Variants in B3GALT1 observed in about 807,000 individuals in gnomAD.
The protein encoded by B3GALT1 is UDP-Gal:betaGlcNAc beta 1,3-galactosyltransferase, polypeptide 1.
B3GALT1 carries 10 observed loss-of-function variants against 23.2 expected under a neutral mutation model. That is an observed-to-expected ratio of 0.43 (90% confidence interval 0.27 to 0.73). The LOEUF (loss-of-function observed/expected upper bound fraction) is 0.73, where lower values mean the gene tolerates loss of function less well. Among genes scored for constraint, B3GALT1 ranks in the 30% least tolerant of loss-of-function variants. The pLI is 0.21. For missense variants in B3GALT1, 299 were observed against 405.4 expected (o/e 0.74, Z 2.25); for synonymous variants, 156 against 141.5 (o/e 1.10, Z -0.73).
chr2:167,847,346 A>C (rs1559001412), intron 4 of B3GALT1, among the ~76,000 whole-genome samples: 1 of 152,068 alleles, frequency 6.6e-6, no homozygotes, highest in Non-Finnish European at 1.5e-5. Context: ...CCATACAACA[A>C]GTCTCAATAA....
chr2:167,427,364 C>A (rs1196192815), intron 1 of B3GALT1, among the ~76,000 whole-genome samples: 1 of 151,926 alleles, frequency 6.6e-6, no homozygotes, highest in African/African-American at 2.4e-5. Flanking sequence ...TATTTTTGAT[C>A]TTAAAAAGAA....
In B3GALT1 at chr2:167,562,691, C is replaced by T. The variant is rs553907390; in HGVS notation, c.-410+72414C>T. On this transcript the variant is annotated intron_variant, in intron 2 of 4. Coordinates refer to ENST00000392690, the MANE Select transcript of B3GALT1 (RefSeq NM_020981.4). ...TAATTGATCATTCTTGGGTGTTTCT[C>T]GCAGAGGGGGATTTGGCAGGGTCAC... 1.4e-3 allele frequency among the ~76,000 whole-genome samples: 202 copies of T among 146,226 alleles called. 1 individual carries two copies. The highest frequency in any genetic ancestry group is 4.7e-3 in the African/African-American group (184 of 38,986).
intron 1 of B3GALT1, among the ~76,000 whole-genome samples, chr2:167,310,285 G>GTGTT (rs1189400185): frequency 1.3e-5 from 2 of 151,928 alleles, no homozygotes; most frequent in Non-Finnish European, 2.9e-5. Flanking sequence ...TCCCTTGACA[G>GTGTT]TGTTTGTTTA....
At chr2:167,736,573 A>G (rs901654531) in intron 3 of B3GALT1, among the ~76,000 whole-genome samples, 18 of 152,280 alleles carry the variant, frequency 1.2e-4, no homozygotes, top group African/African-American at 4.1e-4. Flanking sequence ...AAATTCAGCT[A>G]GAATAGATTT....
chr2:167,376,994 C>G (rs550302144), intron 1 of B3GALT1, among the ~76,000 whole-genome samples: 5 of 152,172 alleles, frequency 3.3e-5, no homozygotes, highest in Admixed American at 6.6e-5. Context: ...AAACTTTGTT[C>G]TTAACACTGT....
At chr2:167,476,739 G>C (rs920626628) in intron 1 of B3GALT1, among the ~76,000 whole-genome samples, 1 of 151,988 alleles carries the variant, frequency 6.6e-6, no homozygotes, top group East Asian at 1.9e-4. Context: ...TTAAATTTTT[G>C]AGCAAAGTTG....
chr2:167,809,671 G>A (rs1272872096), intron 3 of B3GALT1, among the ~76,000 whole-genome samples: 3 of 152,178 alleles, frequency 2.0e-5, no homozygotes, highest in Admixed American at 6.5e-5. Context: ...GTACCCAGCC[G>A]TATGAGGTGT....
chr2:167,633,861 G>A (rs933591332), intron 2 of B3GALT1, among the ~76,000 whole-genome samples: 18 of 152,108 alleles, frequency 1.2e-4, no homozygotes, highest in African/African-American at 4.3e-4. Flanking sequence ...GACATCTACA[G>A]AACTCTCCAC....
intron 2 of B3GALT1, among the ~76,000 whole-genome samples, chr2:167,530,370 A>T (rs1558894590): frequency 6.6e-6 from 1 of 152,136 alleles, no homozygotes. Flanking sequence ...ATGAAGGCAT[A>T]GGCTTCCTAT....
At chr2:167,411,193 T>C (rs562066430) in intron 1 of B3GALT1, among the ~76,000 whole-genome samples, 4 of 150,828 alleles carry the variant, frequency 2.7e-5, no homozygotes, top group Non-Finnish European at 5.9e-5. Flanking sequence ...AATAGACAAA[T>C]GGGATTACAT....
At chr2:167,742,630 A>G (rs891718166) in intron 3 of B3GALT1, among the ~76,000 whole-genome samples, 2 of 152,156 alleles carry the variant, frequency 1.3e-5, no homozygotes, top group African/African-American at 4.8e-5. Flanking sequence ...CTTCATGCTA[A>G]CCACTTAGGA....
At chr2:167,756,139 A>G (rs190984378) in intron 3 of B3GALT1, among the ~76,000 whole-genome samples, 318 of 152,252 alleles carry the variant, frequency 2.1e-3, no homozygotes, top group African/African-American at 7.3e-3. Flanking sequence ...ACACTTACTT[A>G]AGAATCCTCC....
chr2:167,798,898 C>G (rs1217704186), intron 3 of B3GALT1, among the ~76,000 whole-genome samples: 1 of 152,166 alleles, frequency 6.6e-6, no homozygotes, highest in Non-Finnish European at 1.5e-5. Flanking sequence ...ATATTTCTGA[C>G]TTTTCTAAAA....
intron 2 of B3GALT1, among the ~76,000 whole-genome samples, chr2:167,620,942 C>G (rs1333425636): frequency 6.6e-6 from 1 of 151,874 alleles, no homozygotes; most frequent in Non-Finnish European, 1.5e-5. Context: ...ATCCAGAGAG[C>G]CTCAAAAAGA....
chr2:167,598,113 T>A (rs1027403742), intron 2 of B3GALT1, among the ~76,000 whole-genome samples: 1 of 152,226 alleles, frequency 6.6e-6, no homozygotes, highest in East Asian at 1.9e-4. Flanking sequence ...ACTAAAGAAT[T>A]CTAGCAGATA....
At chr2:167,332,874 C>G (rs151318192) in intron 1 of B3GALT1, among the ~76,000 whole-genome samples, 8 of 152,320 alleles carry the variant, frequency 5.3e-5, no homozygotes, top group African/African-American at 1.9e-4. Context: ...CTTGGACCCA[C>G]GGTTATAAAG....
chr2:167,386,899 C>T (rs1001936928), intron 1 of B3GALT1, among the ~76,000 whole-genome samples: 2 of 152,198 alleles, frequency 1.3e-5, no homozygotes, highest in African/African-American at 4.8e-5. Context: ...AAAGAGAAGA[C>T]TGGATGAAGT....
At chr2:167,818,139 T>C (rs1689034152) in intron 3 of B3GALT1, among the ~76,000 whole-genome samples, 1 of 152,194 alleles carries the variant, frequency 6.6e-6, no homozygotes, top group African/African-American at 2.4e-5. Context: ...TGGACTTTGG[T>C]TTTAGCCTTG....
At chr2:167,790,547 C>G (rs1428679539) in intron 3 of B3GALT1, among the ~76,000 whole-genome samples, 6 of 152,236 alleles carry the variant, frequency 3.9e-5, no homozygotes, top group African/African-American at 1.4e-4. Flanking sequence ...CACAAACTAA[C>G]ATTCCCAGAG....
Sources: allele counts gnomAD v4.1 joint callset (sites outside exome capture counted in the v4.1 genomes callset), GRCh38; gene constraint gnomAD v4.1.1; transcripts MANE v1.5; gene names NCBI Gene and HGNC (gene_info 2026-07-23, HGNC 2026-07-21).